CDC14A: variants seen among roughly 807,000 people sequenced by gnomAD.
The protein encoded by CDC14A is cell division cycle 14A.
In CDC14A, 53 loss-of-function variants were observed where a neutral mutation model predicts 74.4. The ratio of observed to expected loss-of-function variants is 0.71; its 90% CI spans 0.57 to 0.89. The LOEUF is 0.89. CDC14A is among the 40% of genes least tolerant of loss of function. The pLI, the probability that CDC14A is intolerant of heterozygous loss-of-function variation, is 0.00. For missense variants in CDC14A, 646 were observed against 713.7 expected, an observed-to-expected ratio of 0.91 and a Z score of 1.08; for synonymous variants, 247 against 258.4, an observed-to-expected ratio of 0.96 and a Z score of 0.43.
At position 100,508,296 on chromosome 1, in the gene CDC14A, GAT is replaced by G. The variant is rs201170562; in HGVS notation, c.1755+9047_1755+9048del. On this transcript the variant is annotated intron_variant, in intron 15 of 15. Transcript: ENST00000336454. This position sits in a 1 kb window ranked among gnomAD's most constrained non-coding sequence, Gnocchi z 4.4. ...TTTTATATGTGTGTGTATATATATAGATATATATATATATTTTTTTCACTTGA... is the reference window on the plus strand; with the variant it reads ...TTTTATATGTGTGTGTATATATATAGATATATATATATTTTTTTCACTTGA... Among the ~76,000 whole-genome samples, 22 of 150,176 alleles carry G rather than the reference GAT, an allele frequency of 1.5e-4. No individual in the cohort carries two copies. The South Asian group carries it at 1.5e-3, about 10-fold the overall frequency.
chr1:100,410,154 A>G (rs986599548), intron 4 of CDC14A, among the ~76,000 whole-genome samples: 4 of 151,858 alleles, frequency 2.6e-5, no homozygotes, highest in African/African-American at 7.3e-5. Flanking sequence ...TGAGGCTGCA[A>G]TGAGCTGTGA....
intron 2 of CDC14A, 152 bp downstream of exon 2, chr1:100,354,004 A>G: frequency 3.1e-6 from 2 of 639,086 alleles, no homozygotes; most frequent in South Asian, 3.4e-5. Context: ...CCTGGGGAGA[A>G]GTTCAGAGAA....
intron 2 of CDC14A, among the ~76,000 whole-genome samples, chr1:100,365,509 C>T (rs1653451385): frequency 6.6e-6 from 1 of 152,168 alleles, no homozygotes; most frequent in Non-Finnish European, 1.5e-5. Flanking sequence ...TCAGTGGCTT[C>T]ATTTGATAGA....
chr1:100,460,644 A>G (rs1219125228), intron 8 of CDC14A, among the ~76,000 whole-genome samples: 1 of 152,278 alleles, frequency 6.6e-6, no homozygotes, highest in Non-Finnish European at 1.5e-5. Context: ...TTGAGCAAGT[A>G]AACCAACTAG....
rs748425007 is a variant in CDC14A, at chr1:100,497,068, C to T, written c.1299-1017C>T. Among the ~76,000 whole-genome samples the T allele has an allele frequency of 6.6e-5, 10 of 152,172 alleles. No individual in the cohort carries two copies. In the Middle Eastern group the frequency reaches 0.014, roughly 207 times the overall value. ...CCCTCAAGGAGCTTACATCAGGTAA[C>T]GGAGATAGACAAATATCAGATGACG... On this transcript the variant is annotated intron_variant, in intron 13 of 15. Coordinates refer to ENST00000336454, the MANE Select transcript of CDC14A (RefSeq NM_003672.4).
intron 4 of CDC14A, chr1:100,394,029 TG>T: frequency 3.8e-6 from 1 of 262,830 alleles, no homozygotes. Flanking sequence ...CCTGCCATTC[TG>T]GGGACCTCAG....
intron 3 of CDC14A, among the ~76,000 whole-genome samples, chr1:100,388,850 C>T (rs999893923): frequency 6.6e-6 from 1 of 151,990 alleles, no homozygotes; most frequent in Non-Finnish European, 1.5e-5. Context: ...CACACCTGGC[C>T]TTACATACTA....
intron 7 of CDC14A, among the ~76,000 whole-genome samples, chr1:100,454,424 T>G (rs1557776504): frequency 6.6e-6 from 1 of 152,048 alleles, no homozygotes; most frequent in Non-Finnish European, 1.5e-5. Context: ...TATTTTGTGA[T>G]GCATTGCACA....
At chr1:100,449,542 C>T (rs991758148) in intron 7 of CDC14A, among the ~76,000 whole-genome samples, 21 of 152,148 alleles carry the variant, frequency 1.4e-4, no homozygotes, top group African/African-American at 4.8e-4. Context: ...TGCTCTTGCT[C>T]CCTCCTCCTG....
At chr1:100,412,710 A>ATATATATATATATATATATTT (rs1660911802) in intron 4 of CDC14A, among the ~76,000 whole-genome samples, 2 of 95,994 alleles carry the variant, frequency 2.1e-5, no homozygotes, top group African/African-American at 7.3e-5. Flanking sequence ...ATATATATAT[A>ATATATATATATATATATATTT]TATATATATA....
intron 10 of CDC14A, among the ~76,000 whole-genome samples, chr1:100,473,779 A>T (rs1668622126): frequency 6.6e-6 from 1 of 151,940 alleles, no homozygotes; most frequent in Non-Finnish European, 1.5e-5. Flanking sequence ...ATTCTTGGGG[A>T]TTGCTTTTTC....
At chr1:100,517,961 G>T in intron 15 of CDC14A, among the ~76,000 whole-genome samples, 1 of 152,144 alleles carries the variant, frequency 6.6e-6, no homozygotes, top group East Asian at 1.9e-4. Context: ...GCTTAGAGAT[G>T]AGTTTAGGCT....
intron 10 of CDC14A, among the ~76,000 whole-genome samples, chr1:100,481,455 T>A (rs1479684498): frequency 1.3e-5 from 2 of 152,188 alleles, no homozygotes. Flanking sequence ...GAACTAGGAA[T>A]ATTCACTATA....
At chr1:100,466,446 A>T (rs1352542027) in intron 9 of CDC14A, among the ~76,000 whole-genome samples, 3 of 152,222 alleles carry the variant, frequency 2.0e-5, no homozygotes, top group Non-Finnish European at 4.4e-5. Context: ...GGAGAGCCCC[A>T]CTGAGACCAA....
intron 10 of CDC14A, among the ~76,000 whole-genome samples, chr1:100,474,739 ATTGATATTTTC>A: frequency 6.7e-6 from 1 of 149,838 alleles, no homozygotes; most frequent in East Asian, 2.0e-4. Context: ...GGACAATTTT[ATTGATATTTTC>A]AAAGAATCAG....
At chr1:100,427,567 C>T (rs1286148466) in intron 5 of CDC14A, among the ~76,000 whole-genome samples, 1 of 152,166 alleles carries the variant, frequency 6.6e-6, no homozygotes, top group African/African-American at 2.4e-5. Flanking sequence ...TTATGTATTA[C>T]AAGGCTACAT....
chr1:100,413,914 T>G (rs549504454), intron 4 of CDC14A, among the ~76,000 whole-genome samples: 5 of 152,364 alleles, frequency 3.3e-5, no homozygotes, highest in African/African-American at 1.2e-4. Context: ...CCATTATAGA[T>G]GTATTCCTTG....
At chr1:100,441,064 A>G (rs1360414276) in intron 6 of CDC14A, among the ~76,000 whole-genome samples, 3 of 152,196 alleles carry the variant, frequency 2.0e-5, no homozygotes, top group Admixed American at 2.0e-4. Flanking sequence ...GGGAAAAAAT[A>G]ATTTATTTAT....
intron 2 of CDC14A, among the ~76,000 whole-genome samples, chr1:100,359,864 G>GT (rs1178251924): frequency 3.3e-5 from 5 of 150,076 alleles, no homozygotes; most frequent in Non-Finnish European, 7.4e-5. Context: ...GTAGTTTATA[G>GT]TTTCTTCCCC....
Sources: allele counts gnomAD v4.1 joint callset (sites outside exome capture counted in the v4.1 genomes callset), GRCh38; gene constraint gnomAD v4.1.1; non-coding constraint Gnocchi (gnomAD v3.1); transcripts MANE v1.5; gene names NCBI Gene and HGNC (gene_info 2026-07-23, HGNC 2026-07-21).